The following TM4SF1 variants were observed in gnomAD, a reference collection of about 807,000 sequenced individuals.
TM4SF1 encodes the protein transmembrane 4 L six family member 1.
A neutral mutation model predicts 24.5 loss-of-function variants in TM4SF1; 20 were observed. The ratio of observed to expected loss-of-function variants is 0.82; its 90% CI spans 0.57 to 1.19. The LOEUF (loss-of-function observed/expected upper bound fraction) is 1.19, where lower values mean the gene tolerates loss of function less well. Among genes scored for constraint, TM4SF1 ranks in the 50% most tolerant of loss-of-function variants. The pLI is 0.00. For synonymous variants in TM4SF1, 107 were observed against 95.4 expected (o/e 1.12, Z -0.71); for missense variants, 258 against 248.1 (o/e 1.04, Z -0.27).
intron 3 of TM4SF1, among the ~76,000 whole-genome samples, chr3:149,373,072 AC>A (rs1427240256): frequency 6.6e-6 from 1 of 152,228 alleles, no homozygotes; most frequent in Admixed American, 6.5e-5. Context: ...TCCAGGGAGA[AC>A]AGCTGCTTAT....
chr3:149,370,275 A>G (rs1918124), intron 4 of TM4SF1: 154,108 of 172,452 alleles, frequency 0.89, 69,170 homozygotes, highest in African/African-American at 0.97. Context: ...ACATGAAAAG[A>G]CCTGCCCTTT....
chr3:149,371,708 G>C lies in TM4SF1; in HGVS notation c.573C>G (p.Gly191=). ...TTACCTGTTGGTGAGAGCAGCAAAA[G>C]CCACATATGCCTCCAAGCACTCCAT... ...VINGVLGGIC[G]FCCSHQQQYD... Residue 191 remains glycine, a synonymous_variant, in exon 4 of 5, where the codon GGC becomes GGG. Transcript: ENST00000305366. 1 of 1,614,164 alleles carries C rather than the reference G, an allele frequency of 6.2e-7. No homozygotes were observed. The highest frequency in any genetic ancestry group is 8.5e-7 in the Non-Finnish European group (1 of 1,180,014).
Position 149,369,738 on chromosome 3 carries a change from G to A in TM4SF1, c.*128C>T, listed in dbSNP as rs578123970. On this transcript the variant is annotated 3_prime_UTR_variant, in exon 5 of 5. Transcript: ENST00000305366. ...TCCTGTGAAGATGCCAGTCTTTACA[G>A]GCGTTTGTAAAAGTAGACTGTGGGG... is the stretch of plus-strand genomic sequence containing the variant. The A allele has an allele frequency of 3.3e-5, 38 of 1,136,812 alleles. No individual in the cohort carries two copies. The African/African-American group carries it at 5.9e-4, about 18-fold the overall frequency. The allele number at this position is 1,136,812 out of a possible 1,614,324, so 70.4% of individuals were successfully genotyped here.
chr3:149,369,778 A>T lies in TM4SF1; in HGVS notation c.*88T>A, dbSNP rs183666836. On this transcript the variant is annotated 3_prime_UTR_variant, in exon 5 of 5. Coordinates refer to ENST00000305366, the MANE Select transcript of TM4SF1 (RefSeq NM_014220.3). ...AGACTGTGGGGAGTATGTTACACTA[A>T]TACAAAGTTTTACAAATGAATACAA... 6.4e-7 allele frequency: 1 copy of T among 1,563,618 alleles called. No individual in the cohort carries two copies. Among genetic ancestry groups the T allele is most frequent in the African/African-American group, 1.4e-5 (1 of 73,240 alleles).
chr3:149,375,037 C>T (rs1731914151), intron 3 of TM4SF1, among the ~76,000 whole-genome samples: 2 of 152,010 alleles, frequency 1.3e-5, no homozygotes, highest in South Asian at 4.1e-4. Context: ...AATAGGAAGT[C>T]ACTTCATAGG....
rs898915590 is a variant in TM4SF1, at chr3:149,369,986, G to A, written c.595-106C>T. On this transcript the variant is annotated intron_variant, in intron 4 of 4. Transcript: ENST00000305366. ...AGCAAACATAAACAGACTGATCTTA[G>A]CTTCAGCAAAGCTTAGGCCAACCAT... 26 of 1,413,494 alleles carry A rather than the reference G, an allele frequency of 1.8e-5. 1 individual carries two copies. The highest frequency in any genetic ancestry group is 2.2e-5 in the Non-Finnish European group (23 of 1,043,082). The allele number at this position is 1,413,494 out of a possible 1,614,324, so 87.6% of individuals were successfully genotyped here.
intron 3 of TM4SF1, among the ~76,000 whole-genome samples, chr3:149,374,114 G>C (rs149623068): frequency 0.01 from 1,530 of 152,310 alleles, 34 homozygotes; most frequent in African/African-American, 0.035. Flanking sequence ...AACAGTGGCA[G>C]TTGCACACAA....
rs1412208529 is a variant in TM4SF1, at chr3:149,369,318, C to T, written c.*548G>A. On this transcript the variant is annotated 3_prime_UTR_variant, in exon 5 of 5. Coordinates refer to ENST00000305366, the MANE Select transcript of TM4SF1 (RefSeq NM_014220.3). ...ATGCATTCATTTGGATTGGAACATTCTCAATCAGTCCTTCCACTCTAAGTA... is the reference window on the plus strand; with the variant it reads ...ATGCATTCATTTGGATTGGAACATTTTCAATCAGTCCTTCCACTCTAAGTA... 6.5e-6 allele frequency: 1 copy of T among 153,088 alleles called. No individual in the cohort carries two copies. Among genetic ancestry groups the T allele is most frequent in the East Asian group, 1.9e-4 (1 of 5,216 alleles). The allele number at this position is 153,088 out of a possible 1,614,324, so 9.5% of individuals were successfully genotyped here.
Position 149,369,607 on chromosome 3 carries a change from A to T in TM4SF1, c.*259T>A. The T allele has an allele frequency of 2.2e-6, 1 of 446,370 alleles. No homozygotes were observed. 27.7% of individuals were successfully genotyped at this position (446,370 alleles called of 1,614,324 possible). On this transcript the variant is annotated 3_prime_UTR_variant, in exon 5 of 5. Transcript: ENST00000305366. ...TCAGATATACTGAGTACTGTCACTC[A>T]GTCTGTAAATTACCCCCAGAGGGTG...
At position 149,377,649 on chromosome 3, in the gene TM4SF1, T is replaced by C. The variant is rs1221409149; in HGVS notation, c.-102A>G. On this transcript the variant is annotated 5_prime_UTR_variant, in exon 1 of 5. Transcript: ENST00000305366. ...TTCTGGTGGAGAAAGCAAACACCAC[T>C]CTCAGCCCATTCCTGCTACCTCTTA... 1 of 1,503,728 alleles carries C rather than the reference T, an allele frequency of 6.7e-7. No individual in the cohort carries two copies. The highest frequency in any genetic ancestry group is 8.9e-7 in the Non-Finnish European group (1 of 1,128,160). The allele number at this position is 1,503,728 out of a possible 1,614,324, so 93.1% of individuals were successfully genotyped here.
intron 3 of TM4SF1, 93 bp downstream of exon 3, chr3:149,375,350 T>C (rs1317479960): frequency 6.7e-7 from 1 of 1,491,048 alleles, no homozygotes. Flanking sequence ...GGTGGATGGA[T>C]GGATAAGTGG....
intron 3 of TM4SF1, 77 bp downstream of exon 3, chr3:149,375,366 T>C: frequency 6.4e-7 from 1 of 1,552,462 alleles, no homozygotes; most frequent in Non-Finnish European, 8.8e-7. Context: ...AGTGGATGCC[T>C]ATCTGGTTTG....
chr3:149,371,598 C>G, intron 4 of TM4SF1, 89 bp downstream of exon 4: 1 of 1,334,260 alleles, frequency 7.5e-7, no homozygotes, highest in Non-Finnish European at 1.1e-6. Context: ...GTAGGTCGAG[C>G]ATGTTTGGTT....
chr3:149,369,967 CAT>C, intron 4 of TM4SF1, 87 bp from the exon 5 acceptor site: 2 of 1,476,518 alleles, frequency 1.4e-6, no homozygotes, highest in Admixed American at 4.5e-5. Flanking sequence ...TTTAAGCAAA[CAT>C]AAACAGACTG....
At chr3:149,376,310 C>A (rs116270096) in intron 1 of TM4SF1, among the ~76,000 whole-genome samples, 1 of 152,068 alleles carries the variant, frequency 6.6e-6, no homozygotes, top group East Asian at 1.9e-4. Context: ...GGTTCAAGAT[C>A]GAAAGAAACT....
At position 149,375,502 on chromosome 3, in the gene TM4SF1, T is replaced by G; in HGVS notation, c.354A>C (p.Gly118=). The G allele has an allele frequency of 1.2e-6, 2 of 1,614,136 alleles. No homozygotes were observed. Among genetic ancestry groups the G allele is most frequent in the Non-Finnish European group, 1.7e-6 (2 of 1,180,032 alleles). ...GGCCGAGGGAATCAAGACATAGTGG[T>G]CCTTCTGCTAAGCCAAGGGCTGCCA... is the stretch of plus-strand genomic sequence containing the variant. The part of the protein sequence containing the change: ...VIVAALGLAE[G]PLCLDSLGQW... Residue 118 remains glycine (G), a synonymous_variant, in exon 3 of 5, where the codon GGA becomes GGC. Coordinates refer to ENST00000305366, the MANE Select transcript of TM4SF1 (RefSeq NM_014220.3).
chr3:149,370,963 C>T (rs1007155198), intron 4 of TM4SF1: 1 of 152,138 alleles, frequency 6.6e-6, no homozygotes, highest in African/African-American at 2.4e-5. Context: ...GATATAGAAA[C>T]AAGAACTTTC....
intron 3 of TM4SF1, among the ~76,000 whole-genome samples, chr3:149,375,076 T>C (rs1431364288): frequency 6.6e-6 from 1 of 152,148 alleles, no homozygotes; most frequent in East Asian, 1.9e-4. Context: ...TTATTGAATC[T>C]ATTCAAAAGC....
At position 149,369,425 on chromosome 3, in the gene TM4SF1, T is replaced by C. The variant is rs1255481935; in HGVS notation, c.*441A>G. On this transcript the variant is annotated 3_prime_UTR_variant, in exon 5 of 5. Transcript: ENST00000305366. ...ATAGGTGTATGAATGGGAAACATCA[T>C]ACAAGCAGTGAAAACAAAAATCTTT... 1 of 163,692 alleles carries C rather than the reference T, an allele frequency of 6.1e-6. No homozygotes were observed. The highest frequency in any genetic ancestry group is 2.4e-5 in the African/African-American group (1 of 41,524). The allele number at this position is 163,692 out of a possible 1,614,324, so 10.1% of individuals were successfully genotyped here.
Sources: gnomAD v4.1 joint callset for allele counts (sites outside exome capture counted in the v4.1 genomes callset) on GRCh38, gnomAD v4.1.1 for gene constraint, MANE v1.5 for transcripts, NCBI Gene and HGNC (gene_info 2026-07-23, HGNC 2026-07-21) for gene names.